Variants in DLGAP2 observed in about 807,000 individuals in gnomAD.
The protein encoded by DLGAP2 is disks large-associated protein 2.
Under a neutral mutation model 100.3 loss-of-function variants are expected in DLGAP2, and 26 were observed. The ratio of observed to expected loss-of-function variants is 0.26; its 90% CI spans 0.19 to 0.36. The LOEUF (loss-of-function observed/expected upper bound fraction) is 0.36, where lower values mean the gene tolerates loss of function less well. Among genes scored for constraint, DLGAP2 ranks in the 10% least tolerant of loss-of-function variants. DLGAP2 has a pLI of 1.00. For missense variants in DLGAP2, 1,858 were observed against 1,453.2 expected (o/e 1.28, Z -4.53); for synonymous variants, 886 against 630.1 (o/e 1.41, Z -6.08).
rs539433440 is a variant in DLGAP2, at chr8:1,210,268, T to C, written c.74-48583T>C. On this transcript the variant is annotated intron_variant, in intron 2 of 14. Coordinates refer to ENST00000637795, the MANE Select transcript of DLGAP2 (RefSeq NM_001346810.2). ...GAGGCTGGCTTAGGGCAGGGTGATG[T>C]TGGAAGCATGGCAGGGATTCAGCTG... 2.0e-5 allele frequency among the ~76,000 whole-genome samples: 3 copies of C among 152,158 alleles called. No homozygotes were observed. In the East Asian group the frequency reaches 5.8e-4, roughly 29 times the overall value.
chr8:1,625,906 T>C (rs555318402), intron 6 of DLGAP2, among the ~76,000 whole-genome samples: 12 of 150,608 alleles, frequency 8.0e-5, no homozygotes, highest in South Asian at 2.1e-4. Context: ...AGACATTCAG[T>C]TGGAAATGTG....
rs79748543 is a variant in DLGAP2, at chr8:1,284,784, G to A, written c.106+25901G>A. On this transcript the variant is annotated intron_variant, in intron 3 of 14. Transcript: ENST00000637795. ...GTGCCACCACGCCCAGCTAATTTGC[G>A]TGTTTATTGAGAGATGAGGTCTCAC... 1.5e-3 allele frequency among the ~76,000 whole-genome samples: 225 copies of A among 152,204 alleles called. 1 individual carries two copies. Among genetic ancestry groups the A allele is most frequent in the African/African-American group, 5.3e-3 (219 of 41,528 alleles).
At chr8:1,334,680 G>T (rs899092926) in intron 3 of DLGAP2, among the ~76,000 whole-genome samples, 4 of 151,982 alleles carry the variant, frequency 2.6e-5, no homozygotes, top group Non-Finnish European at 5.9e-5. Context: ...GGCATTCTCG[G>T]CACTCCAGGG....
At chr8:781,403 G>A (rs890061854) in intron 1 of DLGAP2, among the ~76,000 whole-genome samples, 1 of 151,964 alleles carries the variant, frequency 6.6e-6, no homozygotes, top group Non-Finnish European at 1.5e-5. Flanking sequence ...GAAAATAATC[G>A]ATAAGACCTC....
At chr8:1,508,021 G>A (rs1034731336) in intron 4 of DLGAP2, among the ~76,000 whole-genome samples, 1 of 151,960 alleles carries the variant, frequency 6.6e-6, no homozygotes, top group African/African-American at 2.4e-5. Context: ...AGGTGCAGGG[G>A]AGGGTCATTG....
intron 3 of DLGAP2, among the ~76,000 whole-genome samples, chr8:1,487,964 G>A (rs1018669910): frequency 6.6e-6 from 1 of 152,198 alleles, no homozygotes. Context: ...TCACTGTGAG[G>A]TGAAATCATA....
At chr8:1,429,438 T>C (rs977042754) in intron 3 of DLGAP2, among the ~76,000 whole-genome samples, 1 of 152,188 alleles carries the variant, frequency 6.6e-6, no homozygotes, top group African/African-American at 2.4e-5. Flanking sequence ...GTCTTGTTCA[T>C]TGCTGTGGCT....
At chr8:1,086,238 G>T (rs566861450) in intron 2 of DLGAP2, among the ~76,000 whole-genome samples, 4 of 152,090 alleles carry the variant, frequency 2.6e-5, no homozygotes, top group Non-Finnish European at 5.9e-5. Flanking sequence ...TTTCCAATTT[G>T]TATGTTTTTC....
At chr8:1,653,695 TC>T (rs1563282739) in intron 8 of DLGAP2, among the ~76,000 whole-genome samples, 31 of 111,534 alleles carry the variant, frequency 2.8e-4, no homozygotes, top group African/African-American at 9.0e-4. Context: ...AGGGGCGGAC[TC>T]CTGTATTTGC....
rs564417338 is a variant in DLGAP2 at position 1,230,908 on chromosome 8, GA to G, written c.74-27935del. 2.4e-3 allele frequency among the ~76,000 whole-genome samples: 361 copies of G among 151,726 alleles called. 2 individuals are homozygous for G. Among genetic ancestry groups the G allele is most frequent in the Non-Finnish European group, 4.4e-3 (299 of 67,852 alleles). ...AGACCTCAAACTTCAAGAATCCTAA[GA>G]AAAAAAATAGGAAACACCATTCTGG... On this transcript the variant is annotated intron_variant, in intron 2 of 14. Coordinates refer to ENST00000637795, the MANE Select transcript of DLGAP2 (RefSeq NM_001346810.2).
At chr8:1,194,471 C>T (rs1411082141) in intron 2 of DLGAP2, among the ~76,000 whole-genome samples, 1 of 152,172 alleles carries the variant, frequency 6.6e-6, no homozygotes, top group Non-Finnish European at 1.5e-5. Context: ...GGCAGAGCTT[C>T]CCTCAGTCCC....
chr8:1,685,776 G>T (rs1475084462), intron 12 of DLGAP2, among the ~76,000 whole-genome samples: 1 of 151,794 alleles, frequency 6.6e-6, no homozygotes, highest in Non-Finnish European at 1.5e-5. Context: ...ACCTGAATAG[G>T]CATTTCTCAA....
chr8:1,130,948 G>T (rs1796280663), intron 2 of DLGAP2, among the ~76,000 whole-genome samples: 1 of 152,168 alleles, frequency 6.6e-6, no homozygotes, highest in Admixed American at 6.5e-5. Flanking sequence ...GGGTGGCTCT[G>T]AGGGGCCGGT....
chr8:1,012,611 C>T (rs1214642597), intron 2 of DLGAP2, among the ~76,000 whole-genome samples: 1 of 110,222 alleles, frequency 9.1e-6, no homozygotes, highest in Non-Finnish European at 1.8e-5. Flanking sequence ...GTCTGACCGG[C>T]CCCCCCGACT....
At chr8:1,228,157 A>G (rs1454478192) in intron 2 of DLGAP2, among the ~76,000 whole-genome samples, 1 of 147,026 alleles carries the variant, frequency 6.8e-6, no homozygotes, top group Admixed American at 6.9e-5. Flanking sequence ...CAGCACACCA[A>G]CATGGCACAT....
At chr8:1,027,767 G>A (rs1261144517) in intron 2 of DLGAP2, among the ~76,000 whole-genome samples, 1 of 130,246 alleles carries the variant, frequency 7.7e-6, no homozygotes. Flanking sequence ...CTCCAGGTGG[G>A]GTGTCAGGCG....
intron 4 of DLGAP2, among the ~76,000 whole-genome samples, chr8:1,543,170 A>T (rs141864059): frequency 6.6e-6 from 1 of 152,256 alleles, no homozygotes; most frequent in South Asian, 2.1e-4. Flanking sequence ...CATTTTTTTG[A>T]TGGCATCTTT....
At chr8:1,519,057 G>A (rs1472422902) in intron 4 of DLGAP2, among the ~76,000 whole-genome samples, 1 of 152,174 alleles carries the variant, frequency 6.6e-6, no homozygotes, top group Non-Finnish European at 1.5e-5. Context: ...ATAGGAGCCT[G>A]TGGTCCCTGC....
chr8:1,412,048 A>C (rs1043455669), intron 3 of DLGAP2, among the ~76,000 whole-genome samples: 1 of 152,102 alleles, frequency 6.6e-6, no homozygotes, highest in African/African-American at 2.4e-5. Flanking sequence ...CCTGCCATGG[A>C]CCCTCACCTC....
Sources: gnomAD v4.1 joint callset for allele counts (sites outside exome capture counted in the v4.1 genomes callset) on GRCh38, gnomAD v4.1.1 for gene constraint, MANE v1.5 for transcripts, NCBI Gene and HGNC (gene_info 2026-07-23, HGNC 2026-07-21) for gene names.